Variants in HLCS observed in about 807,000 individuals in gnomAD.
HLCS encodes the protein biotin--protein ligase.
Under a neutral mutation model 75.0 loss-of-function variants are expected in HLCS, and 53 were observed. The ratio of observed to expected loss-of-function variants is 0.71; its 90% CI spans 0.57 to 0.89. HLCS has a LOEUF of 0.89. HLCS is among the 40% of genes least tolerant of loss of function. The probability of loss-of-function intolerance (pLI) is 0.00; values close to 1 mark genes in which losing one functional copy is unlikely to be tolerated. For synonymous variants in HLCS, 431 were observed against 428.6 expected (o/e 1.01, Z -0.07); for missense variants, 966 against 1,074.0 (o/e 0.90, Z 1.41).
intron 6 of HLCS, among the ~76,000 whole-genome samples, chr21:36,809,091 G>C (rs796313190): frequency 1.2e-4 from 18 of 152,138 alleles, no homozygotes; most frequent in African/African-American, 3.4e-4. Context: ...GTTCGCACCT[G>C]TAGTCCCAGC....
chr21:36,763,150 G>A (rs1400191432), intron 8 of HLCS, among the ~76,000 whole-genome samples: 4 of 152,090 alleles, frequency 2.6e-5, no homozygotes, highest in Non-Finnish European at 4.4e-5. Flanking sequence ...TCAGCCTCCC[G>A]AGTAGCTGAG....
intron 6 of HLCS, among the ~76,000 whole-genome samples, chr21:36,815,913 A>G (rs1261657085): frequency 1.3e-5 from 2 of 152,212 alleles, no homozygotes; most frequent in Admixed American, 6.5e-5. Context: ...CATTCATAGA[A>G]GCCTACAATT....
chr21:36,968,274 G>A (rs1013671850), upstream of HLCS, among the ~76,000 whole-genome samples: 3 of 152,184 alleles, frequency 2.0e-5, no homozygotes, highest in African/African-American at 4.8e-5. Context: ...TTACAAGTTT[G>A]AGCCATGGCG....
chr21:36,947,184 T>C (rs1385379376), intron 2 of HLCS: 1 of 230,074 alleles, frequency 4.3e-6, no homozygotes. Flanking sequence ...ACTGGCAGTG[T>C]AAAAGGAGCC....
chr21:36,894,610 CA>C (rs1179414522), intron 6 of HLCS, among the ~76,000 whole-genome samples: 1 of 152,162 alleles, frequency 6.6e-6, no homozygotes, highest in African/African-American at 2.4e-5. Flanking sequence ...CTAAGGCCGC[CA>C]ACAACCATTC....
At chr21:36,756,850 C>A in intron 9 of HLCS, 95 bp from the exon 10 acceptor site, 1 of 1,596,760 alleles carries the variant, frequency 6.3e-7, no homozygotes, top group Non-Finnish European at 8.5e-7. Flanking sequence ...TGACTGTCAA[C>A]TTCCTCCTTC....
At chr21:36,784,762 C>G (rs1172588327) in intron 6 of HLCS, among the ~76,000 whole-genome samples, 2 of 152,070 alleles carry the variant, frequency 1.3e-5, no homozygotes, top group African/African-American at 4.8e-5. Flanking sequence ...GAAACAGAGT[C>G]ACCTTACATT....
At chr21:36,756,159 C>T (rs1219044075) in intron 10 of HLCS, among the ~76,000 whole-genome samples, 1 of 152,092 alleles carries the variant, frequency 6.6e-6, no homozygotes, top group Non-Finnish European at 1.5e-5. Context: ...TGAACTACGG[C>T]CGGGCGCGGT....
chr21:36,781,298 C>T (rs1296427441), intron 6 of HLCS, among the ~76,000 whole-genome samples: 8 of 147,850 alleles, frequency 5.4e-5, no homozygotes, highest in Non-Finnish European at 3.0e-5. Context: ...TATTTTTAGT[C>T]TAAGTGCATT....
chr21:36,872,138 C>T (rs1013422504), intron 6 of HLCS, among the ~76,000 whole-genome samples: 4 of 152,006 alleles, frequency 2.6e-5, no homozygotes, highest in Non-Finnish European at 5.9e-5. Context: ...AATACTTCAG[C>T]TGGGCTGGGC....
chr21:36,866,840 GTT>G (rs71328516), intron 6 of HLCS, among the ~76,000 whole-genome samples: 10 of 136,034 alleles, frequency 7.4e-5, no homozygotes, highest in African/African-American at 2.5e-4. Flanking sequence ...AATTTGAGTA[GTT>G]TTTTTTTTTT....
At chr21:36,793,429 G>A (rs1478241129) in intron 6 of HLCS, among the ~76,000 whole-genome samples, 4 of 151,442 alleles carry the variant, frequency 2.6e-5, no homozygotes, top group African/African-American at 9.7e-5. Flanking sequence ...AGCCTCCCAA[G>A]TAGCTGGGAT....
chr21:36,925,085 G>A (rs534353669), intron 5 of HLCS, among the ~76,000 whole-genome samples: 2 of 152,170 alleles, frequency 1.3e-5, no homozygotes, highest in African/African-American at 4.8e-5. Flanking sequence ...TGCTTTTTAT[G>A]GGGGGAAAAA....
At chr21:36,953,254 G>A (rs1334368047) in intron 2 of HLCS, among the ~76,000 whole-genome samples, 1 of 152,122 alleles carries the variant, frequency 6.6e-6, no homozygotes, top group East Asian at 1.9e-4. Context: ...GAGCCACCAT[G>A]CCAAGATGGA....
At chr21:36,882,186 G>A (rs1251367355) in intron 6 of HLCS, among the ~76,000 whole-genome samples, 1 of 152,018 alleles carries the variant, frequency 6.6e-6, no homozygotes. Flanking sequence ...GGAGGCTGAG[G>A]CAGGAGAATG....
chr21:36,770,714 T>C (rs563497780), intron 6 of HLCS, among the ~76,000 whole-genome samples: 20 of 152,124 alleles, frequency 1.3e-4, no homozygotes, highest in South Asian at 4.2e-4. Flanking sequence ...GGGACCACTA[T>C]GGGTTCATAC....
Position 36,930,327 on chromosome 21 carries a change from AG to A in HLCS, c.1543del (p.Leu515Ter), listed in dbSNP as rs1288789420. 9 of 1,614,052 alleles carry A rather than the reference AG, an allele frequency of 5.6e-6. No homozygotes were observed. Among genetic ancestry groups the A allele is most frequent in the Non-Finnish European group, 6.8e-6 (8 of 1,180,028 alleles). On this transcript the variant is annotated frameshift_variant, in exon 5 of 11. Coordinates refer to ENST00000674895, the MANE Select transcript of HLCS (RefSeq NM_001352514.2). LOFTEE classifies it high-confidence loss of function. ...GTCACAGCTGAGGCCAAGGGTTGTC[AG>A]AATCTCTCTAAGGACTTCGTATCTT... is the stretch of plus-strand genomic sequence containing the variant. ...FRRYEVLREI[L>X]TTLGLSCDMK... is the part of the protein sequence containing the mutation.
intron 9 of HLCS, chr21:36,759,094 T>C (rs376903979): frequency 2.1e-6 from 1 of 471,040 alleles, no homozygotes; most frequent in East Asian, 6.9e-5. Flanking sequence ...ATTCCCTGGC[T>C]GGCACTTGAA....
At chr21:36,949,358 G>A (rs945310763) in intron 2 of HLCS, among the ~76,000 whole-genome samples, 2 of 152,222 alleles carry the variant, frequency 1.3e-5, no homozygotes, top group Admixed American at 6.5e-5. Context: ...TCAGCTGGGA[G>A]CTCAGCCAGG....
Sources: allele counts gnomAD v4.1 joint callset (sites outside exome capture counted in the v4.1 genomes callset), GRCh38; gene constraint gnomAD v4.1.1; transcripts MANE v1.5; gene names NCBI Gene and HGNC (gene_info 2026-07-23, HGNC 2026-07-21).